The following SLC9A1 variants were observed in gnomAD, a reference collection of about 807,000 sequenced individuals.
SLC9A1 encodes the protein solute carrier family 9 member A1, also known as sodium/hydrogen exchanger 1.
In SLC9A1, 22 loss-of-function variants were observed where a neutral mutation model predicts 67.9. The ratio of observed to expected loss-of-function variants is 0.32; its 90% CI spans 0.23 to 0.46. The LOEUF is 0.46. Ranked by LOEUF, SLC9A1 falls within the 20% of genes least tolerant of loss-of-function variation. The pLI, the probability that SLC9A1 is intolerant of heterozygous loss-of-function variation, is 1.00. For missense variants in SLC9A1, 686 were observed against 1,094.8 expected (o/e 0.63, Z 5.27); for synonymous variants, 421 against 471.8 (o/e 0.89, Z 1.40).
At position 27,137,741 on chromosome 1, in the gene SLC9A1, C is replaced by G. The variant is rs1320772059; in HGVS notation, c.352+16242G>C. 6.6e-6 allele frequency among the ~76,000 whole-genome samples: 1 copy of G among 152,222 alleles called. No individual in the cohort carries two copies. Among genetic ancestry groups the G allele is most frequent in the African/African-American group, 2.4e-5 (1 of 41,462 alleles). On this transcript the variant is annotated intron_variant, in intron 1 of 11. Coordinates refer to ENST00000263980, the MANE Select transcript of SLC9A1 (RefSeq NM_003047.5). This position sits in a 1 kb window ranked among gnomAD's most constrained non-coding sequence, Gnocchi z 4.6. ...CAGCAATGCCACGCCTCCCACATGA[C>G]AGGTCTGGTGACTGTTTGCCTGCAG... is the stretch of plus-strand genomic sequence containing the variant.
intron 6 of SLC9A1, 34 bp downstream of exon 6, chr1:27,103,186 CCTT>C (rs758663877): frequency 6.9e-7 from 1 of 1,459,182 alleles, no homozygotes; most frequent in South Asian, 1.1e-5. Flanking sequence ...CCCTGTTCCT[CCTT>C]CTGCAACCAA....
chr1:27,102,564 G>A lies in SLC9A1; in HGVS notation c.1647-6C>T. ...TCTTATTAAACCGGTTGAGCCTGGT[G>A]GGAGGAGGAGGGAGACGGATGGCGC... On this transcript the variant is annotated splice_polypyrimidine_tract_variant and splice_region_variant and intron_variant, in intron 7 of 11. Transcript: ENST00000263980. The A allele has an allele frequency of 6.2e-7, 1 of 1,608,426 alleles. No individual in the cohort carries two copies. Among genetic ancestry groups the A allele is most frequent in the South Asian group, 1.1e-5 (1 of 91,016 alleles).
At position 27,101,752 on chromosome 1, in the gene SLC9A1, C is replaced by T. The variant is rs2083146626; in HGVS notation, c.2010G>A (p.Arg670=). The T allele has an allele frequency of 6.2e-7, 1 of 1,612,998 alleles. No homozygotes were observed. Among genetic ancestry groups the T allele is most frequent in the African/African-American group, 1.3e-5 (1 of 74,928 alleles). The part of the protein sequence containing the change: ...EEAWNQMLLR[R]QKARQLEQKI... ...TCTGCTCCAGCTGCCGGGCCTTCTG[C>T]CTCCGGAGCAGCATCTGGTTCCAGG... Residue 670 remains arginine (R), a synonymous_variant, in exon 10 of 12, where the codon AGG becomes AGA. Transcript: ENST00000263980. This position sits in a 1 kb window ranked among gnomAD's most constrained non-coding sequence, Gnocchi z 4.9.
intron 1 of SLC9A1, among the ~76,000 whole-genome samples, chr1:27,133,872 C>A (rs1055107203): frequency 3.3e-5 from 5 of 151,448 alleles, no homozygotes; most frequent in African/African-American, 1.2e-4. Context: ...TCAAGCAATT[C>A]TCCTGCCGCA....
rs535094595 is a variant in SLC9A1, at chr1:27,109,998, G to A, written c.814-221C>T. Among the ~76,000 whole-genome samples, 6 of 152,312 alleles carry A rather than the reference G, an allele frequency of 3.9e-5. No individual in the cohort carries two copies. ...CCACGTGCCCCACTGGTGAAGGGTG[G>A]GCCCTGGGAAGCTCTGTGAAGACCC... On this transcript the variant is annotated intron_variant, in intron 2 of 11. Transcript: ENST00000263980. The surrounding 1 kb of genome is among the most constrained non-coding windows in gnomAD (Gnocchi z 5.5).
chr1:27,131,128 G>A (rs541673839), intron 1 of SLC9A1, among the ~76,000 whole-genome samples: 1 of 152,346 alleles, frequency 6.6e-6, no homozygotes, highest in Admixed American at 6.5e-5. Context: ...CAGGGCAGGG[G>A]AGATGCCTGG....
At chr1:27,147,299 C>CAAAAAAAAAAAAAAAAAAAAA (rs57583944) in intron 1 of SLC9A1, among the ~76,000 whole-genome samples, 1 of 43,940 alleles carries the variant, frequency 2.3e-5, no homozygotes, top group African/African-American at 1.0e-4. Context: ...GACTCTGTCT[C>CAAAAAAAAAAAAAAAAAAAAA]AAAAAAAAAA....
At chr1:27,102,189 G>A in intron 8 of SLC9A1, 59 bp from the exon 9 acceptor site, 3 of 1,488,704 alleles carry the variant, frequency 2.0e-6, no homozygotes, top group South Asian at 1.1e-5. Flanking sequence ...GTGCCTCCCA[G>A]GTTTGGCCAG....
Position 27,118,330 on chromosome 1 carries a change from A to T in SLC9A1, c.353-4044T>A, listed in dbSNP as rs957626201. 6.6e-6 allele frequency among the ~76,000 whole-genome samples: 1 copy of T among 152,172 alleles called. No homozygotes were observed. Among genetic ancestry groups the T allele is most frequent in the African/African-American group, 2.4e-5 (1 of 41,430 alleles). The stretch of plus-strand genomic sequence containing the variant: ...GTGGGTAGGTGGCACATTATTGGAA[A>T]GCACTTCTAGGGCTGGGGGAGGAAG... On this transcript the variant is annotated intron_variant, in intron 1 of 11. Coordinates refer to ENST00000263980, the MANE Select transcript of SLC9A1 (RefSeq NM_003047.5). This position sits in a 1 kb window ranked among gnomAD's most constrained non-coding sequence, Gnocchi z 4.3.
chr1:27,103,517 C>G, intron 5 of SLC9A1: 1 of 582,588 alleles, frequency 1.7e-6, no homozygotes. Flanking sequence ...CCTGGAGACA[C>G]GGTCAGAGGT....
At chr1:27,123,825 T>TA (rs971557665) in intron 1 of SLC9A1, among the ~76,000 whole-genome samples, 1 of 151,002 alleles carries the variant, frequency 6.6e-6, no homozygotes, top group African/African-American at 2.4e-5. Context: ...TATTGGGCTT[T>TA]AAAAAAAAAT....
intron 1 of SLC9A1, among the ~76,000 whole-genome samples, chr1:27,129,459 T>C (rs2083370139): frequency 6.6e-6 from 1 of 152,100 alleles, no homozygotes; most frequent in Non-Finnish European, 1.5e-5. Flanking sequence ...AGAGAAAAGA[T>C]GAGGACACGG....
At chr1:27,138,518 T>C (rs1342704776) in intron 1 of SLC9A1, among the ~76,000 whole-genome samples, 1 of 152,066 alleles carries the variant, frequency 6.6e-6, no homozygotes. Flanking sequence ...GTGTCTGACA[T>C]GGGGGTAGAG....
chr1:27,124,288 C>T (rs1224480091), intron 1 of SLC9A1, among the ~76,000 whole-genome samples: 1 of 151,774 alleles, frequency 6.6e-6, no homozygotes, highest in African/African-American at 2.4e-5. Flanking sequence ...GCTGGGGGTA[C>T]AGTAGAGCTT....
rs961741648 is a variant in SLC9A1 at position 27,118,384 on chromosome 1, C to T, written c.353-4098G>A. Among the ~76,000 whole-genome samples, 16 of 152,290 alleles carry T rather than the reference C, an allele frequency of 1.1e-4. No homozygotes were observed. Among genetic ancestry groups the T allele is most frequent in the African/African-American group, 3.9e-4 (16 of 41,558 alleles). ...TTCTGTCATCAAGAGGAGGCTCCTT[C>T]AGGAGCAACGGCTCAGGGAAGTGGG... On this transcript the variant is annotated intron_variant, in intron 1 of 11. Coordinates refer to ENST00000263980, the MANE Select transcript of SLC9A1 (RefSeq NM_003047.5). The surrounding 1 kb of genome is among the most constrained non-coding windows in gnomAD (Gnocchi z 4.3).
rs1446004180 is a variant in SLC9A1 at position 27,101,424 on chromosome 1, C to T, written c.2038-149G>A. 6.1e-6 allele frequency: 4 copies of T among 659,714 alleles called. No individual in the cohort carries two copies. The allele number at this position is 659,714 out of a possible 1,614,324, so 40.9% of individuals were successfully genotyped here. On this transcript the variant is annotated intron_variant, in intron 10 of 11. Coordinates refer to ENST00000263980, the MANE Select transcript of SLC9A1 (RefSeq NM_003047.5). This position sits in a 1 kb window ranked among gnomAD's most constrained non-coding sequence, Gnocchi z 4.9. ...GCCTGTGTGGGCACCCGTACTGGCCCCTCAGGAGCTCCTAAGGGCTCATCC... is the reference window on the plus strand; with the variant it reads ...GCCTGTGTGGGCACCCGTACTGGCCTCTCAGGAGCTCCTAAGGGCTCATCC...
chr1:27,151,785 T>C (rs753141509), intron 1 of SLC9A1, among the ~76,000 whole-genome samples: 16 of 152,344 alleles, frequency 1.1e-4, no homozygotes, highest in Middle Eastern at 3.4e-3. Context: ...TTTTGAGGCC[T>C]GAACAGGGAC....
At chr1:27,107,428 C>T (rs980858799) in intron 4 of SLC9A1, among the ~76,000 whole-genome samples, 1 of 150,038 alleles carries the variant, frequency 6.7e-6, no homozygotes, top group African/African-American at 2.5e-5. Context: ...AGCCCCCCTA[C>T]AATGCACTAC....
Position 27,100,473 on chromosome 1 carries a change from C to T in SLC9A1, c.2282G>A (p.Gly761Asp), listed in dbSNP as rs2124124049. 2 of 1,614,024 alleles carry T rather than the reference C, an allele frequency of 1.2e-6. No individual in the cohort carries two copies. The highest frequency in any genetic ancestry group is 1.7e-6 in the Non-Finnish European group (2 of 1,179,930). Residue 761 changes from glycine to aspartate, a missense_variant, in exon 12 of 12, where the codon GGC becomes GAC. Gly to Asp is a moderately conservative substitution (Grantham distance 94). Transcript: ENST00000263980. The surrounding 1 kb of genome is among the most constrained non-coding windows in gnomAD (Gnocchi z 5.6). ...AGTCTCCTTGCTCCGCATCATGATG[C>T]CCCCATCGTCGTCCTCGTCCTCCTC... ...VAEEDEDDDG[G>D]IMMRSKETSS...
Sources: gnomAD v4.1 joint callset for allele counts (sites outside exome capture counted in the v4.1 genomes callset) on GRCh38, gnomAD v4.1.1 for gene constraint, Gnocchi (gnomAD v3.1) non-coding constraint, MANE v1.5 for transcripts, NCBI Gene and HGNC (gene_info 2026-07-23, HGNC 2026-07-21) for gene names.